RPGRIP1: variants seen among roughly 807,000 people sequenced by gnomAD.
RPGRIP1 encodes X-linked retinitis pigmentosa GTPase regulator-interacting protein 1.
A neutral mutation model predicts 157.9 loss-of-function variants in RPGRIP1; 128 were observed. The ratio of observed to expected loss-of-function variants is 0.81; its 90% CI spans 0.70 to 0.94. The LOEUF is 0.94. Among genes scored for constraint, RPGRIP1 ranks in the 40% least tolerant of loss-of-function variants. The pLI is 0.00. For synonymous variants in RPGRIP1, 554 were observed against 571.6 expected, an observed-to-expected ratio of 0.97 and a Z score of 0.44; for missense variants, 1,486 against 1,545.8, an observed-to-expected ratio of 0.96 and a Z score of 0.65.
chr14:21,292,320 A>ATT (rs71112567), intron 2 of RPGRIP1, among the ~76,000 whole-genome samples: 28 of 148,956 alleles, frequency 1.9e-4, no homozygotes, highest in Middle Eastern at 3.5e-3. Context: ...GGGAAGTTGT[A>ATT]TTTTTTTTTT....
intron 20 of RPGRIP1, among the ~76,000 whole-genome samples, chr14:21,331,214 T>C (rs1217205879): frequency 6.6e-6 from 1 of 151,602 alleles, no homozygotes; most frequent in African/African-American, 2.4e-5. Context: ...CGACCTAGTT[T>C]TGATTTTCTC....
intron 3 of RPGRIP1, among the ~76,000 whole-genome samples, chr14:21,299,791 A>T (rs1334227808): frequency 6.6e-6 from 1 of 152,196 alleles, no homozygotes; most frequent in African/African-American, 2.4e-5. Flanking sequence ...TGGGTGGCTG[A>T]AACAACAGAC....
chr14:21,325,109 T>A (rs779415496), intron 15 of RPGRIP1, 39 bp downstream of exon 15: 1 of 1,565,580 alleles, frequency 6.4e-7, no homozygotes, highest in Non-Finnish European at 8.7e-7. Context: ...TAAGCACCAA[T>A]GCAGAATTTC....
Position 21,348,266 on chromosome 14 carries a change from G to T in RPGRIP1, c.3712G>T (p.Glu1238Ter). 6.3e-7 allele frequency: 1 copy of T among 1,587,314 alleles called. No individual in the cohort carries two copies. Among genetic ancestry groups the T allele is most frequent in the Non-Finnish European group, 8.6e-7 (1 of 1,167,374 alleles). Residue 1238 changes from glutamate to a stop codon, truncating the protein, a stop_gained, in exon 24 of 25, where the codon GAG (glutamate) becomes TAG (stop). Transcript: ENST00000400017. LOFTEE classifies it high-confidence loss of function. ...ATATCTTCAACTGTGGCAGATCCTG[G>T]AGTCAGGAAGAGATATTCTAGAGCA... ...YAYLQLWQIL[E>*]SGRDILEQEL... is the part of the protein sequence containing the mutation.
intron 3 of RPGRIP1, among the ~76,000 whole-genome samples, chr14:21,298,718 G>A (rs1370462246): frequency 1.3e-5 from 2 of 151,820 alleles, no homozygotes; most frequent in Non-Finnish European, 2.9e-5. Context: ...AAGGCGGGTA[G>A]ATCACTAGGT....
intron 7 of RPGRIP1, 139 bp downstream of exon 7, chr14:21,307,975 T>C: frequency 1.7e-6 from 1 of 590,686 alleles, no homozygotes; most frequent in South Asian, 2.3e-5. Context: ...AATTTATAAG[T>C]GATATTCAAA....
At chr14:21,317,669 A>G in intron 10 of RPGRIP1, 27 bp from the exon 11 acceptor site, 4 of 1,567,580 alleles carry the variant, frequency 2.6e-6, no homozygotes, top group Non-Finnish European at 3.5e-6. Context: ...TGGGGTATCC[A>G]TCTGAGAGCT....
chr14:21,298,693 G>A (rs1358517270), intron 3 of RPGRIP1, among the ~76,000 whole-genome samples: 2 of 151,890 alleles, frequency 1.3e-5, no homozygotes, highest in African/African-American at 4.8e-5. Flanking sequence ...TGTAATTCCA[G>A]TACTTTGGGA....
chr14:21,325,079 C>T lies in RPGRIP1; in HGVS notation c.2215+9C>T, dbSNP rs756104401. On this transcript the variant is annotated intron_variant, in intron 15 of 24. Coordinates refer to ENST00000400017, the MANE Select transcript of RPGRIP1 (RefSeq NM_020366.4). ...CTTGGCCACACTGATTGGTAAGTGC[C>T]GTTGGCTTCCTGCGGCTCCTAAGCA... 92 of 1,595,166 alleles carry T rather than the reference C, an allele frequency of 5.8e-5. No individual in the cohort carries two copies. Among genetic ancestry groups the T allele is most frequent in the East Asian group, 2.0e-4 (9 of 44,620 alleles).
chr14:21,281,174 T>C (rs747923195), intron 1 of RPGRIP1, among the ~76,000 whole-genome samples: 5 of 151,898 alleles, frequency 3.3e-5, no homozygotes, highest in African/African-American at 1.2e-4. Context: ...CGCACCACCA[T>C]GCCCAGCTAA....
Position 21,287,989 on chromosome 14 carries a change from G to A in RPGRIP1, c.13G>A (p.Val5Met). ...GGGAACAGAGATCATGTCACATCTG[G>A]TGGACCCTACATCAGGAGACTTGCC... is the stretch of plus-strand genomic sequence containing the variant. MSHL[V>M]DPTSGDLPVR... Residue 5 changes from valine (V) to methionine (M), a missense_variant, in exon 2 of 25, where the codon GTG (valine) becomes ATG (methionine). Physicochemically the swap from Val to Met is conservative, Grantham distance 21 (BLOSUM62 1). Transcript: ENST00000400017. The A allele has an allele frequency of 6.2e-7, 1 of 1,612,346 alleles. No individual in the cohort carries two copies. The highest frequency in any genetic ancestry group is 8.5e-7 in the Non-Finnish European group (1 of 1,178,616).
chr14:21,311,333 C>CCT (rs1239038656), intron 8 of RPGRIP1, among the ~76,000 whole-genome samples: 1 of 152,138 alleles, frequency 6.6e-6, no homozygotes, highest in Non-Finnish European at 1.5e-5. Context: ...GGGTGGATGA[C>CCT]CTAAGGTCAG....
In RPGRIP1 at chr14:21,327,724, C is replaced by T. The variant is rs1718000944; in HGVS notation, c.2812C>T (p.Pro938Ser). ...PYIPPESFLK[P>S]EAQTKGKDTK... ...CATACCCCCTGAGAGCTTCCTGAAA[C>T]CAGAAGCTCAGACTAAGGGGAAGGA... Residue 938 changes from proline to serine, a missense_variant, in exon 18 of 25, where the codon CCA (proline) becomes TCA (serine). By Grantham distance (74) the Pro-to-Ser change is moderately conservative. Coordinates refer to ENST00000400017, the MANE Select transcript of RPGRIP1 (RefSeq NM_020366.4). 4.3e-6 allele frequency: 7 copies of T among 1,613,756 alleles called. No homozygotes were observed. The highest frequency in any genetic ancestry group is 1.7e-5 in the Admixed American group (1 of 59,978).
At position 21,304,895 on chromosome 14, in the gene RPGRIP1, G is replaced by GCCTCCT. The variant is rs1881233100; in HGVS notation, c.800+1352_800+1353insCCTCCT. Among the ~76,000 whole-genome samples, 5 of 151,888 alleles carry GCCTCCT rather than the reference G, an allele frequency of 3.3e-5. 1 individual carries two copies. The South Asian group carries it at 1.0e-3, about 32-fold the overall frequency. Reference sequence around the variant, plus strand: ...CGGCTCACTGCAAGCTCTGCCTCCTGGGTTCATGCCGTTCTCCTGCCTCAG... The same window carrying GCCTCCT: ...CGGCTCACTGCAAGCTCTGCCTCCTGCCTCCTGGTTCATGCCGTTCTCCTGCCTCAG... On this transcript the variant is annotated intron_variant, in intron 6 of 24. Transcript: ENST00000400017.
In RPGRIP1 at chr14:21,327,730, G is replaced by C. The variant is rs376805437; in HGVS notation, c.2818G>C (p.Ala940Pro). 1.2e-6 allele frequency: 2 copies of C among 1,613,906 alleles called. No homozygotes were observed. The highest frequency in any genetic ancestry group is 1.7e-6 in the Non-Finnish European group (2 of 1,179,852). The change falls in exon 18 of 25, where the codon GCT (alanine) becomes CCT (proline). Residue 940 changes from alanine (A) to proline (P), a missense_variant. By Grantham distance (27) the Ala-to-Pro change is conservative. Transcript: ENST00000400017. Reference protein sequence around the residue: ...IPPESFLKPEAQTKGKDTKDS... With the variant: ...IPPESFLKPEPQTKGKDTKDS... ...CCCTGAGAGCTTCCTGAAACCAGAAGCTCAGACTAAGGGGAAGGATACCAA... is the reference window on the plus strand; with the variant it reads ...CCCTGAGAGCTTCCTGAAACCAGAACCTCAGACTAAGGGGAAGGATACCAA...
chr14:21,301,793 G>A (rs1353765253), intron 4 of RPGRIP1, among the ~76,000 whole-genome samples: 5 of 151,014 alleles, frequency 3.3e-5, no homozygotes, highest in African/African-American at 9.7e-5. Flanking sequence ...TGGGAGGATC[G>A]CTTGAGCCTG....
chr14:21,317,605 A>C (rs779169962), intron 10 of RPGRIP1, 91 bp from the exon 11 acceptor site: 144 of 1,547,148 alleles, frequency 9.3e-5, no homozygotes, highest in Non-Finnish European at 1.2e-4. Context: ...AGAATGAGGA[A>C]CTAGGTCCAG....
chr14:21,311,812 C>T lies in RPGRIP1; in HGVS notation c.931-12C>T. The T allele has an allele frequency of 2.5e-6, 4 of 1,592,798 alleles. No individual in the cohort carries two copies. Among genetic ancestry groups the T allele is most frequent in the Non-Finnish European group, 3.4e-6 (4 of 1,171,780 alleles). ...TATGACCATTCCCAGAGGTACTTTC[C>T]TTTTGACCCAGAATCAGGGAATCCT... On this transcript the variant is annotated splice_polypyrimidine_tract_variant and intron_variant, in intron 8 of 24. Transcript: ENST00000400017.
At chr14:21,283,877 C>T (rs1055123640) in intron 1 of RPGRIP1, among the ~76,000 whole-genome samples, 2 of 152,028 alleles carry the variant, frequency 1.3e-5, no homozygotes, top group Admixed American at 6.6e-5. Context: ...GTGATCCATC[C>T]GCCTCAGCCT....
Sources: gnomAD v4.1 joint callset for allele counts (sites outside exome capture counted in the v4.1 genomes callset) on GRCh38, gnomAD v4.1.1 for gene constraint, MANE v1.5 for transcripts, NCBI Gene and HGNC (gene_info 2026-07-23, HGNC 2026-07-21) for gene names.